The following KCNIP4 variants were observed in gnomAD, a reference collection of about 807,000 sequenced individuals.
The protein encoded by KCNIP4 is Kv channel-interacting protein 4.
KCNIP4 carries 12 observed loss-of-function variants against 34.0 expected under a neutral mutation model. The ratio of observed to expected loss-of-function variants is 0.35; its 90% CI spans 0.23 to 0.57. The LOEUF is 0.57. Among genes scored for constraint, KCNIP4 ranks in the 20% least tolerant of loss-of-function variants. The pLI, the probability that KCNIP4 is intolerant of heterozygous loss-of-function variation, is 0.83. For synonymous variants in KCNIP4, 124 were observed against 102.2 expected (o/e 1.21, Z -1.29); for missense variants, 238 against 311.7 (o/e 0.76, Z 1.78).
At chr4:21,917,633 G>C (rs920102932) in intron 1 of KCNIP4, among the ~76,000 whole-genome samples, 1 of 139,658 alleles carries the variant, frequency 7.2e-6, no homozygotes, top group Non-Finnish European at 1.6e-5. Context: ...ATGTGACCTT[G>C]TTGTGTCATT....
intron 1 of KCNIP4, among the ~76,000 whole-genome samples, chr4:21,752,013 G>A (rs1045250474): frequency 9.2e-5 from 14 of 152,076 alleles, no homozygotes; most frequent in African/African-American, 3.1e-4. Flanking sequence ...ATAGATCAGC[G>A]CTGCCTTTTC....
chr4:21,798,404 CATATAT>C (rs112991875), intron 1 of KCNIP4, among the ~76,000 whole-genome samples: 4 of 129,672 alleles, frequency 3.1e-5, no homozygotes, highest in South Asian at 2.5e-4. Context: ...CAAAAAAATA[CATATAT>C]ATATATATAT....
At chr4:21,447,437 GTTGTT>G (rs370499996) in intron 1 of KCNIP4, among the ~76,000 whole-genome samples, 6 of 152,262 alleles carry the variant, frequency 3.9e-5, no homozygotes, top group African/African-American at 1.4e-4. Flanking sequence ...ATAAATTTCT[GTTGTT>G]TTAAGTCACC....
chr4:20,833,625 C>G (rs10021498), intron 3 of KCNIP4, among the ~76,000 whole-genome samples: 58,874 of 152,002 alleles, frequency 0.39, 12,051 homozygotes, highest in Non-Finnish European at 0.46. Context: ...CACGGTATTT[C>G]ATACCATACA....
intron 1 of KCNIP4, among the ~76,000 whole-genome samples, chr4:21,362,731 A>T (rs1466412911): frequency 1.3e-5 from 2 of 152,142 alleles, no homozygotes; most frequent in Non-Finnish European, 2.9e-5. Context: ...AGTGATACAG[A>T]CATCCTCACT....
At chr4:21,322,715 A>G (rs902026239) in intron 1 of KCNIP4, among the ~76,000 whole-genome samples, 1 of 152,068 alleles carries the variant, frequency 6.6e-6, no homozygotes, top group Non-Finnish European at 1.5e-5. Context: ...AAGCAACTAG[A>G]TGCCAAACAC....
intron 1 of KCNIP4, among the ~76,000 whole-genome samples, chr4:21,279,006 GTGT>G (rs1762609835): frequency 1.3e-5 from 2 of 152,140 alleles, no homozygotes; most frequent in South Asian, 4.1e-4. Context: ...AGATAAAGGG[GTGT>G]TGTTAGAGAG....
chr4:20,936,033 A>G (rs1731022597), intron 1 of KCNIP4, among the ~76,000 whole-genome samples: 1 of 151,546 alleles, frequency 6.6e-6, no homozygotes, highest in Non-Finnish European at 1.5e-5. Flanking sequence ...ACTGGAACAC[A>G]AGAGCTTAAG....
intron 1 of KCNIP4, among the ~76,000 whole-genome samples, chr4:21,567,463 A>G (rs1423614487): frequency 4.6e-5 from 7 of 152,074 alleles, no homozygotes; most frequent in Admixed American, 4.6e-4. Flanking sequence ...GCCAGAACTC[A>G]TGAATAGACA....
chr4:20,952,220 A>G (rs181523521), intron 1 of KCNIP4, among the ~76,000 whole-genome samples: 1 of 152,172 alleles, frequency 6.6e-6, no homozygotes, highest in East Asian at 1.9e-4. Flanking sequence ...CATAATCTAT[A>G]TCAAGGTATT....
intron 1 of KCNIP4, among the ~76,000 whole-genome samples, chr4:21,789,022 G>C (rs1224709692): frequency 7.1e-6 from 1 of 141,652 alleles, no homozygotes; most frequent in East Asian, 2.1e-4. Flanking sequence ...GCAATGAGCT[G>C]AGATTGTGCC....
intron 1 of KCNIP4, among the ~76,000 whole-genome samples, chr4:21,759,593 C>A (rs1245482481): frequency 6.6e-6 from 1 of 152,092 alleles, no homozygotes; most frequent in Admixed American, 6.6e-5. Context: ...CTGAATATGT[C>A]TTTGACCCTG....
chr4:21,100,238 C>T (rs1233413534), intron 1 of KCNIP4, among the ~76,000 whole-genome samples: 2 of 152,102 alleles, frequency 1.3e-5, no homozygotes, highest in African/African-American at 2.4e-5. Flanking sequence ...AAACAAATTT[C>T]ACTGTGGTTT....
intron 1 of KCNIP4, among the ~76,000 whole-genome samples, chr4:21,774,015 G>A (rs977429937): frequency 1.3e-5 from 2 of 151,984 alleles, no homozygotes; most frequent in Non-Finnish European, 2.9e-5. Context: ...ACTAGCTGAT[G>A]CAGTTTCTTC....
intron 1 of KCNIP4, among the ~76,000 whole-genome samples, chr4:20,916,129 A>C (rs1426981463): frequency 6.6e-6 from 1 of 152,264 alleles, no homozygotes; most frequent in Non-Finnish European, 1.5e-5. Context: ...TACCTCCTAC[A>C]GTCCTTCAAG....
chr4:21,348,849 A>G (rs1328277156), intron 1 of KCNIP4, among the ~76,000 whole-genome samples: 1 of 152,162 alleles, frequency 6.6e-6, no homozygotes, highest in Non-Finnish European at 1.5e-5. Context: ...AGTTCTGGGG[A>G]AAGAGAGTTA....
intron 1 of KCNIP4, among the ~76,000 whole-genome samples, chr4:21,443,527 C>A (rs1172517287): frequency 6.6e-6 from 1 of 152,108 alleles, no homozygotes; most frequent in Non-Finnish European, 1.5e-5. Context: ...GTCGACTATA[C>A]CCAATCAATT....
chr4:21,577,852 T>C (rs775997560), intron 1 of KCNIP4, among the ~76,000 whole-genome samples: 3 of 152,156 alleles, frequency 2.0e-5, no homozygotes, highest in African/African-American at 4.8e-5. Context: ...TGCTTGTCTC[T>C]GCTTCTGTCA....
At chr4:20,903,939 T>A (rs570017729) in intron 1 of KCNIP4, among the ~76,000 whole-genome samples, 1 of 152,292 alleles carries the variant, frequency 6.6e-6, no homozygotes, top group East Asian at 1.9e-4. Context: ...TATTAGATTA[T>A]CAATTTTAGA....
Sources: allele counts gnomAD v4.1 joint callset (sites outside exome capture counted in the v4.1 genomes callset), GRCh38; gene constraint gnomAD v4.1.1; transcripts MANE v1.5; gene names NCBI Gene and HGNC (gene_info 2026-07-23, HGNC 2026-07-21).